PCDHGA1: variants seen among roughly 807,000 people sequenced by gnomAD.
PCDHGA1 encodes the protein protocadherin gamma subfamily A, 1, also known as protocadherin gamma-A1.
PCDHGA1 carries 32 observed loss-of-function variants against 58.0 expected under a neutral mutation model. The observed-to-expected ratio is 0.55, with a 90% CI of 0.42 to 0.74. The LOEUF (loss-of-function observed/expected upper bound fraction) is 0.74. PCDHGA1 is among the 30% of genes least tolerant of loss of function. PCDHGA1 has a pLI of 0.00. For missense variants in PCDHGA1, 1,205 were observed against 1,182.3 expected (o/e 1.02, Z -0.28); for synonymous variants, 498 against 501.1 (o/e 0.99, Z 0.08).
At chr5:141,376,281 C>G in intron 1 of PCDHGA1, 2 of 1,614,216 alleles carry the variant, frequency 1.2e-6, no homozygotes, top group Admixed American at 1.7e-5. Flanking sequence ...GGTGGCTTAG[C>G]GAGCATGCCC....
intron 1 of PCDHGA1, chr5:141,357,188 C>T: frequency 6.2e-7 from 1 of 1,613,782 alleles, no homozygotes; most frequent in South Asian, 1.1e-5. Flanking sequence ...CTCACTGTGG[C>T]TGTGGCCGAC....
chr5:141,377,529 G>A (rs1774089651), intron 1 of PCDHGA1: 1 of 151,890 alleles, frequency 6.6e-6, no homozygotes, highest in African/African-American at 2.4e-5. Flanking sequence ...CCAGGGGTAT[G>A]AGGCTGCAGT....
chr5:141,394,654 C>T lies in PCDHGA1; in HGVS notation c.2421+61549C>T. ...TACCGCCTGCTCAAGGCCAGCGAGCCGGGACTCTTCTCGGTGGGTCTGCAC... is the reference window on the plus strand; with the variant it reads ...TACCGCCTGCTCAAGGCCAGCGAGCTGGGACTCTTCTCGGTGGGTCTGCAC... On this transcript the variant is annotated intron_variant, in intron 1 of 3. Coordinates refer to ENST00000517417, the MANE Select transcript of PCDHGA1 (RefSeq NM_018912.3). 1.9e-6 allele frequency: 3 copies of T among 1,613,236 alleles called. No homozygotes were observed. Among genetic ancestry groups the T allele is most frequent in the Non-Finnish European group, 2.5e-6 (3 of 1,179,928 alleles).
chr5:141,486,552 A>C lies in PCDHGA1; in HGVS notation c.2422-8255A>C. The C allele has an allele frequency of 6.2e-7, 1 of 1,614,136 alleles. No individual in the cohort carries two copies. The highest frequency in any genetic ancestry group is 1.1e-5 in the South Asian group (1 of 91,082). On this transcript the variant is annotated intron_variant, in intron 1 of 3. Coordinates refer to ENST00000517417, the MANE Select transcript of PCDHGA1 (RefSeq NM_018912.3). This position sits in a 1 kb window ranked among gnomAD's most constrained non-coding sequence, Gnocchi z 5.0. The stretch of plus-strand genomic sequence containing the variant: ...CCACCCTCTTTCTTTCAGAGGTCAC[A>C]TGAGGTGTTTGTTCCTGAGAACAAT...
At chr5:141,339,193 CTT>C (rs1159238281) in intron 1 of PCDHGA1, 1 of 1,614,040 alleles carries the variant, frequency 6.2e-7, no homozygotes, top group Non-Finnish European at 8.5e-7. Flanking sequence ...GGTCCCAGCT[CTT>C]TGCTCTGAAC....
Position 141,450,631 on chromosome 5 carries a change from T to C in PCDHGA1, c.2422-44176T>C, listed in dbSNP as rs554043866. 6.1e-5 allele frequency among the ~76,000 whole-genome samples: 9 copies of C among 148,320 alleles called. No homozygotes were observed. In the East Asian group the frequency reaches 1.9e-3, roughly 31 times the overall value. Reference sequence around the variant, plus strand: ...CCTCCTGAGTAGCTGGGATTACAGATGCCTGCCACCATGCCTGGCTAATTT... The same window carrying C: ...CCTCCTGAGTAGCTGGGATTACAGACGCCTGCCACCATGCCTGGCTAATTT... On this transcript the variant is annotated intron_variant, in intron 1 of 3. Transcript: ENST00000517417.
At position 141,493,093 on chromosome 5, in the gene PCDHGA1, A is replaced by G. The variant is rs78102761; in HGVS notation, c.2422-1714A>G. On this transcript the variant is annotated intron_variant, in intron 1 of 3. Transcript: ENST00000517417. The surrounding 1 kb of genome is among the most constrained non-coding windows in gnomAD (Gnocchi z 4.3). ...CTCCAACTCCAGGAGCTTTTATTCA[A>G]AATATATCAATGCCTAACTCTGCTC... 0.034 allele frequency among the ~76,000 whole-genome samples: 5,198 copies of G among 152,282 alleles called. 159 individuals carry two copies. Among genetic ancestry groups the G allele is most frequent in the African/African-American group, 0.079 (3,275 of 41,546 alleles).
chr5:141,495,323 G>C (rs1029646773), intron 2 of PCDHGA1, among the ~76,000 whole-genome samples: 2 of 152,214 alleles, frequency 1.3e-5, no homozygotes, highest in African/African-American at 4.8e-5. Context: ...AGCCGAGGCT[G>C]ACTGCAGCCT....
In PCDHGA1 at chr5:141,350,895, T is replaced by C. The variant is rs746889815; in HGVS notation, c.2421+17790T>C. On this transcript the variant is annotated intron_variant, in intron 1 of 3. Coordinates refer to ENST00000517417, the MANE Select transcript of PCDHGA1 (RefSeq NM_018912.3). ...TCTCATCGCTTAATCCTGACTGCCATGGATGGCGGGGACCCGCCTCTAAGC... is the reference window on the plus strand; with the variant it reads ...TCTCATCGCTTAATCCTGACTGCCACGGATGGCGGGGACCCGCCTCTAAGC... 31 of 1,613,848 alleles carry C rather than the reference T, an allele frequency of 1.9e-5. No homozygotes were observed. The African/African-American group carries it at 2.5e-4, about 13-fold the overall frequency.
At chr5:141,433,854 A>T (rs2097660850) in intron 1 of PCDHGA1, among the ~76,000 whole-genome samples, 1 of 151,852 alleles carries the variant, frequency 6.6e-6, no homozygotes, top group African/African-American at 2.4e-5. Context: ...AAAAAAAAAA[A>T]ACTTTATCCT....
chr5:141,466,669 C>T lies in PCDHGA1; in HGVS notation c.2422-28138C>T, dbSNP rs529252130. The stretch of plus-strand genomic sequence containing the variant: ...TTTCACAAAACATCAGTGATTTCAC[C>T]GTTCTTCCACTCAAGCTTCATCATA... On this transcript the variant is annotated intron_variant, in intron 1 of 3. Transcript: ENST00000517417. Among the ~76,000 whole-genome samples the T allele has an allele frequency of 8.5e-5, 13 of 152,278 alleles. No homozygotes were observed. The East Asian group carries it at 9.6e-4, about 11-fold the overall frequency.
chr5:141,408,131 G>C, intron 1 of PCDHGA1: 1 of 1,482,338 alleles, frequency 6.7e-7, no homozygotes, highest in South Asian at 1.4e-5. Flanking sequence ...TGGGCCGAAT[G>C]CTCTTTTAGC....
At chr5:141,450,742 C>A (rs2098692216) in intron 1 of PCDHGA1, among the ~76,000 whole-genome samples, 1 of 152,118 alleles carries the variant, frequency 6.6e-6, no homozygotes, top group South Asian at 2.1e-4. Context: ...CCGCCTTGGC[C>A]TCCCAAAGTG....
In PCDHGA1 at chr5:141,491,357, T is replaced by C; in HGVS notation, c.2422-3450T>C. 6.2e-7 allele frequency: 1 copy of C among 1,614,144 alleles called. No homozygotes were observed. Among genetic ancestry groups the C allele is most frequent in the South Asian group, 1.1e-5 (1 of 91,080 alleles). On this transcript the variant is annotated intron_variant, in intron 1 of 3. Transcript: ENST00000517417. This position sits in a 1 kb window ranked among gnomAD's most constrained non-coding sequence, Gnocchi z 6.9. ...CTAGCGACCGTCAGTCTCTTATCCCTAGTCACCTTCACCTTTCTGTCAGCG... is the reference window on the plus strand; with the variant it reads ...CTAGCGACCGTCAGTCTCTTATCCCCAGTCACCTTCACCTTTCTGTCAGCG...
intron 1 of PCDHGA1, chr5:141,351,091 C>T: frequency 2.5e-6 from 4 of 1,614,028 alleles, no homozygotes; most frequent in Non-Finnish European, 3.4e-6. Flanking sequence ...TCACCTATGC[C>T]TTCCTCAATT....
chr5:141,458,496 A>T (rs905073741), intron 1 of PCDHGA1, among the ~76,000 whole-genome samples: 1 of 151,694 alleles, frequency 6.6e-6, no homozygotes, highest in Non-Finnish European at 1.5e-5. Flanking sequence ...CTGCCTGTAC[A>T]TACTGTTTGA....
chr5:141,333,749 T>TGATCATGGCTC (rs1756482564), intron 1 of PCDHGA1: 1 of 153,250 alleles, frequency 6.5e-6, no homozygotes, highest in African/African-American at 2.4e-5. Flanking sequence ...TGCAGTGGCA[T>TGATCATGGCTC]GATCATGGCT....
Position 141,490,481 on chromosome 5 carries a change from G to A in PCDHGA1, c.2422-4326G>A, listed in dbSNP as rs771164683. 8.7e-6 allele frequency: 14 copies of A among 1,614,060 alleles called. No homozygotes were observed. The highest frequency in any genetic ancestry group is 4.0e-5 in the African/African-American group (3 of 74,928). ...CTGCTAACCAGCCAGCCTTTGGACCGGGAGGCCACATCCCACTATATCATC... is the reference window on the plus strand; with the variant it reads ...CTGCTAACCAGCCAGCCTTTGGACCAGGAGGCCACATCCCACTATATCATC... On this transcript the variant is annotated intron_variant, in intron 1 of 3. Transcript: ENST00000517417. The surrounding 1 kb of genome is among the most constrained non-coding windows in gnomAD (Gnocchi z 5.4).
Position 141,461,919 on chromosome 5 carries a change from G to T in PCDHGA1, c.2422-32888G>T, listed in dbSNP as rs10060711. On this transcript the variant is annotated intron_variant, in intron 1 of 3. Transcript: ENST00000517417. Reference sequence around the variant, plus strand: ...GCTCACTGCAACCTCTGCCTCCTGGGTTCCAGCAATTCTCCTGCCTCAACC... The same window carrying T: ...GCTCACTGCAACCTCTGCCTCCTGGTTTCCAGCAATTCTCCTGCCTCAACC... 5.4e-3 allele frequency among the ~76,000 whole-genome samples: 815 copies of T among 152,214 alleles called. 11 individuals are homozygous for T. Among genetic ancestry groups the T allele is most frequent in the African/African-American group, 0.019 (780 of 41,542 alleles).
Sources: allele counts gnomAD v4.1 joint callset (sites outside exome capture counted in the v4.1 genomes callset), GRCh38; gene constraint gnomAD v4.1.1; non-coding constraint Gnocchi (gnomAD v3.1); transcripts MANE v1.5; gene names NCBI Gene and HGNC (gene_info 2026-07-23, HGNC 2026-07-21).